Variants in PTPRM observed in about 807,000 individuals in gnomAD.
PTPRM encodes the protein protein tyrosine phosphatase receptor type M.
A neutral mutation model predicts 186.7 loss-of-function variants in PTPRM; 47 were observed. The ratio of observed to expected loss-of-function variants is 0.25; its 90% CI spans 0.20 to 0.32. PTPRM has a LOEUF of 0.32. Ranked by LOEUF, PTPRM falls within the 10% of genes least tolerant of loss-of-function variation. PTPRM has a pLI of 1.00. For missense variants in PTPRM, 1,494 were observed against 1,865.0 expected (o/e 0.80, Z 3.66); for synonymous variants, 668 against 674.9 (o/e 0.99, Z 0.16).
At chr18:7,574,503 C>T (rs992629020) in intron 1 of PTPRM, among the ~76,000 whole-genome samples, 1 of 152,164 alleles carries the variant, frequency 6.6e-6, no homozygotes, top group Non-Finnish European at 1.5e-5. Context: ...TTATTGAGCA[C>T]TTACATTTGT....
chr18:7,625,837 G>A (rs2038048196), intron 1 of PTPRM, among the ~76,000 whole-genome samples: 1 of 152,178 alleles, frequency 6.6e-6, no homozygotes, highest in Non-Finnish European at 1.5e-5. Context: ...GCCTGGCCAA[G>A]GGGGTTTGTT....
At chr18:8,020,727 C>T (rs932630828) in intron 7 of PTPRM, among the ~76,000 whole-genome samples, 2 of 151,980 alleles carry the variant, frequency 1.3e-5, no homozygotes, top group Non-Finnish European at 2.9e-5. Flanking sequence ...GTTTTTTCTC[C>T]CACAATTGTT....
At chr18:7,732,021 G>T (rs2040669606) in intron 1 of PTPRM, among the ~76,000 whole-genome samples, 1 of 152,170 alleles carries the variant, frequency 6.6e-6, no homozygotes, top group East Asian at 1.9e-4. Context: ...CTAACGTCTT[G>T]ATAGAAATTA....
intron 14 of PTPRM, among the ~76,000 whole-genome samples, chr18:8,243,549 C>T (rs543184372): frequency 3.9e-5 from 6 of 152,326 alleles, no homozygotes; most frequent in Non-Finnish European, 8.8e-5. Context: ...TCCAATTATA[C>T]GTTCTTGACT....
At chr18:7,674,060 C>T (rs1360807856) in intron 1 of PTPRM, among the ~76,000 whole-genome samples, 1 of 152,072 alleles carries the variant, frequency 6.6e-6, no homozygotes, top group South Asian at 2.1e-4. Context: ...GGAGCCTGTG[C>T]TTTTTAAGAT....
chr18:7,645,700 C>T (rs536092017), intron 1 of PTPRM, among the ~76,000 whole-genome samples: 2 of 152,246 alleles, frequency 1.3e-5, no homozygotes, highest in South Asian at 4.2e-4. Flanking sequence ...TAAAGACCAG[C>T]GATGGTGCCA....
chr18:8,320,193 A>T (rs985217631), intron 22 of PTPRM, among the ~76,000 whole-genome samples: 1 of 152,202 alleles, frequency 6.6e-6, no homozygotes, highest in African/African-American at 2.4e-5. Context: ...GATCTGCCAA[A>T]GGTTAGGCAT....
intron 14 of PTPRM, among the ~76,000 whole-genome samples, chr18:8,191,390 G>T (rs2093707710): frequency 6.6e-6 from 1 of 152,142 alleles, no homozygotes; most frequent in Admixed American, 6.5e-5. Flanking sequence ...CAGGAGTGGG[G>T]TGATTTCCAG....
chr18:7,694,050 T>C (rs2039790875), intron 1 of PTPRM, among the ~76,000 whole-genome samples: 1 of 152,296 alleles, frequency 6.6e-6, no homozygotes, highest in South Asian at 2.1e-4. Flanking sequence ...TCATGTTGCT[T>C]TCTGCCATGC....
At chr18:7,761,563 G>A (rs1004839747) in intron 1 of PTPRM, among the ~76,000 whole-genome samples, 1 of 152,148 alleles carries the variant, frequency 6.6e-6, no homozygotes, top group Non-Finnish European at 1.5e-5. Context: ...TTTAGGTACT[G>A]ACTCTCTGGT....
At chr18:8,086,781 G>C (rs1380218822) in intron 10 of PTPRM, among the ~76,000 whole-genome samples, 1 of 152,196 alleles carries the variant, frequency 6.6e-6, no homozygotes, top group South Asian at 2.1e-4. Context: ...GTAAGTGTTT[G>C]GCTAGGTTTT....
At chr18:8,206,381 A>G (rs1186915220) in intron 14 of PTPRM, among the ~76,000 whole-genome samples, 1 of 151,948 alleles carries the variant, frequency 6.6e-6, no homozygotes, top group Non-Finnish European at 1.5e-5. Context: ...CAGCCTCCCG[A>G]GTAGCTACAG....
chr18:8,288,161 G>A (rs2094978305), intron 19 of PTPRM, among the ~76,000 whole-genome samples: 1 of 152,244 alleles, frequency 6.6e-6, no homozygotes, highest in South Asian at 2.1e-4. Flanking sequence ...ATAAGAAGCA[G>A]CAGAGAGTCT....
At chr18:7,946,918 C>G (rs1405704817) in intron 5 of PTPRM, 1 of 456,056 alleles carries the variant, frequency 2.2e-6, no homozygotes, top group Admixed American at 2.3e-5. Context: ...GCTGAGCATG[C>G]CTAGCCCAGC....
intron 2 of PTPRM, among the ~76,000 whole-genome samples, chr18:7,823,231 C>T (rs945674942): frequency 6.6e-6 from 1 of 152,188 alleles, no homozygotes; most frequent in African/African-American, 2.4e-5. Flanking sequence ...CAGAATAGAG[C>T]AAGCTGACAC....
intron 1 of PTPRM, among the ~76,000 whole-genome samples, chr18:7,640,187 T>C (rs2038412627): frequency 6.6e-6 from 1 of 152,206 alleles, no homozygotes; most frequent in African/African-American, 2.4e-5. Context: ...TAATTTATTA[T>C]GCTGATGATT....
intron 6 of PTPRM, among the ~76,000 whole-genome samples, chr18:7,951,495 C>T (rs2071114747): frequency 6.6e-6 from 1 of 152,054 alleles, no homozygotes; most frequent in Non-Finnish European, 1.5e-5. Flanking sequence ...AATTTCTAGT[C>T]TACCTGAACA....
At chr18:8,366,953 G>A (rs553787003) in intron 23 of PTPRM, 1 of 152,434 alleles carries the variant, frequency 6.6e-6, no homozygotes, top group African/African-American at 2.4e-5. Flanking sequence ...GATCAGAGCA[G>A]GGACGCCTCC....
chr18:7,816,711 C>A (rs1379836804), intron 2 of PTPRM, among the ~76,000 whole-genome samples: 1 of 152,028 alleles, frequency 6.6e-6, no homozygotes, highest in Middle Eastern at 3.2e-3. Flanking sequence ...TATAGCTCAC[C>A]CTTTCATGTT....
Sources: allele counts gnomAD v4.1 joint callset (sites outside exome capture counted in the v4.1 genomes callset), GRCh38; gene constraint gnomAD v4.1.1; transcripts MANE v1.5; gene names NCBI Gene and HGNC (gene_info 2026-07-23, HGNC 2026-07-21).